The following RPS6KA2 variants were observed in gnomAD, a reference collection of about 807,000 sequenced individuals.
The protein encoded by RPS6KA2 is ribosomal protein S6 kinase alpha-2.
In RPS6KA2, 42 loss-of-function variants were observed where a neutral mutation model predicts 91.8. That is an observed-to-expected ratio of 0.46 (90% CI 0.36 to 0.59). The LOEUF is 0.59. RPS6KA2 is among the 20% of genes least tolerant of loss of function. The pLI is 0.00. For synonymous variants in RPS6KA2, 414 were observed against 393.6 expected (o/e 1.05, Z -0.61); for missense variants, 798 against 978.5 (o/e 0.82, Z 2.46).
intron 16 of RPS6KA2, among the ~76,000 whole-genome samples, chr6:166,428,385 T>C (rs1779002047): frequency 1.4e-5 from 2 of 143,466 alleles, no homozygotes; most frequent in East Asian, 2.0e-4. Context: ...ATTCAGGACA[T>C]AGGCATGGGC....
chr6:166,578,397 T>C (rs1784904923), intron 1 of RPS6KA2, among the ~76,000 whole-genome samples: 1 of 152,082 alleles, frequency 6.6e-6, no homozygotes, highest in South Asian at 2.1e-4. Context: ...GGTGAACAGG[T>C]GGGATTTGGG....
intron 2 of RPS6KA2, among the ~76,000 whole-genome samples, chr6:166,709,986 T>C (rs1237317110): frequency 6.6e-6 from 1 of 152,222 alleles, no homozygotes; most frequent in Non-Finnish European, 1.5e-5. Flanking sequence ...CCATATTCTA[T>C]TATCGAACCA....
chr6:166,422,586 G>T (rs1350728876), intron 17 of RPS6KA2, among the ~76,000 whole-genome samples: 1 of 152,118 alleles, frequency 6.6e-6, no homozygotes, highest in Non-Finnish European at 1.5e-5. Flanking sequence ...TTTCTCAAAG[G>T]CAAGAAATTG....
intron 2 of RPS6KA2, among the ~76,000 whole-genome samples, chr6:166,857,172 T>C (rs754846917): frequency 9.2e-5 from 14 of 152,238 alleles, no homozygotes; most frequent in Non-Finnish European, 1.2e-4. Context: ...GCGTTCAGCA[T>C]CTGAGCAGAC....
chr6:166,502,228 A>AT (rs778657211), intron 6 of RPS6KA2, among the ~76,000 whole-genome samples: 4 of 152,324 alleles, frequency 2.6e-5, no homozygotes, highest in South Asian at 2.1e-4. Flanking sequence ...TTTTTCTACA[A>AT]TTAAAAAAAA....
rs1786888507 is a variant in RPS6KA2, at chr6:166,626,630, GC to G, written c.99+290del. ...CCCTCCTCACCCGGGGCTCCCTGTG[GC>G]CCACAGGGGACCATCCCACACCCCG... is the stretch of plus-strand genomic sequence containing the variant. On this transcript the variant is annotated intron_variant, in intron 1 of 20. Transcript: ENST00000265678. The surrounding 1 kb of genome is among the most constrained non-coding windows in gnomAD (Gnocchi z 4.1). Among the ~76,000 whole-genome samples, 1 of 152,188 alleles carries G rather than the reference GC, an allele frequency of 6.6e-6. No individual in the cohort carries two copies. Among genetic ancestry groups the G allele is most frequent in the Non-Finnish European group, 1.5e-5 (1 of 68,014 alleles).
chr6:166,468,856 T>TCCATCTCAAAAAAAAAAAAA (rs567161437), intron 11 of RPS6KA2, among the ~76,000 whole-genome samples: 2 of 112,174 alleles, frequency 1.8e-5, no homozygotes, highest in Admixed American at 8.9e-5. Context: ...AGAGCGAGAC[T>TCCATCTCAAAAAAAAAAAAA]AAAAAAAAAA....
At chr6:166,842,689 G>A (rs532604506) in intron 2 of RPS6KA2, among the ~76,000 whole-genome samples, 7 of 152,146 alleles carry the variant, frequency 4.6e-5, no homozygotes, top group Admixed American at 2.0e-4. Flanking sequence ...TTGTGTCTCC[G>A]GCCAGCTCCG....
At position 166,448,677 on chromosome 6, in the gene RPS6KA2, G is replaced by A. The variant is rs539998046; in HGVS notation, c.1332+47C>T. 3.9e-5 allele frequency: 61 copies of A among 1,564,226 alleles called. No individual in the cohort carries two copies. The highest frequency in any genetic ancestry group is 7.5e-5 in the Admixed American group (4 of 53,380). On this transcript the variant is annotated intron_variant, in intron 14 of 20. Coordinates refer to ENST00000265678, the MANE Select transcript of RPS6KA2 (RefSeq NM_021135.6). The surrounding 1 kb of genome is among the most constrained non-coding windows in gnomAD (Gnocchi z 4.7). ...TCCCACATACCACACGTGCTCCCAC[G>A]CGCTGCACTCACACAGGGCCCTGCT...
In RPS6KA2 at chr6:166,702,526, C is replaced by T. The variant is rs957795302; in HGVS notation, c.123+155674G>A. Reference sequence around the variant, plus strand: ...CACTTGCTGACAGCTCTCCACCACTCCATACTGGACTAGTCAACTATCCAG... The same window carrying T: ...CACTTGCTGACAGCTCTCCACCACTTCATACTGGACTAGTCAACTATCCAG... On this transcript the variant is annotated intron_variant, in intron 2 of 21. Transcript: ENST00000503859. 2.1e-6 allele frequency: 3 copies of T among 1,458,640 alleles called. No homozygotes were observed. In the African/African-American group the frequency reaches 4.2e-5, roughly 20 times the overall value. 90.4% of individuals were successfully genotyped at this position (1,458,640 alleles called of 1,614,324 possible).
chr6:166,767,774 AACACACACACACACACACACACAC>A lies in RPS6KA2; in HGVS notation c.123+90402_123+90425del, dbSNP rs71639661. Among the ~76,000 whole-genome samples, 1,956 of 146,956 alleles carry A rather than the reference AACACACACACACACACACACACAC, an allele frequency of 0.013. 89 individuals are homozygous for A. In the East Asian group the frequency reaches 0.18, roughly 13 times the overall value. On this transcript the variant is annotated intron_variant, in intron 2 of 21. Coordinates refer to the RPS6KA2 transcript ENST00000503859. The surrounding 1 kb of genome is among the most constrained non-coding windows in gnomAD (Gnocchi z 4.6). ...AAGAACTAAAGACAATACCTCCTCA[AACACACACACACACACACACACAC>A]ACACACACACACACACACCCTGGTG...
At chr6:166,485,247 G>A (rs898130792) in intron 10 of RPS6KA2, among the ~76,000 whole-genome samples, 2 of 152,234 alleles carry the variant, frequency 1.3e-5, no homozygotes, top group African/African-American at 4.8e-5. Context: ...ACACTGAAAA[G>A]GCTGATGAAA....
chr6:166,695,883 T>C (rs375345376), intron 2 of RPS6KA2, among the ~76,000 whole-genome samples: 296 of 151,468 alleles, frequency 2.0e-3, no homozygotes, highest in African/African-American at 6.5e-3. Flanking sequence ...TAAATTCTCA[T>C]AGGAGCACTA....
intron 2 of RPS6KA2, among the ~76,000 whole-genome samples, chr6:166,685,702 G>A (rs1031198075): frequency 1.3e-5 from 2 of 152,116 alleles, no homozygotes; most frequent in Non-Finnish European, 2.9e-5. Flanking sequence ...CAATTCTATG[G>A]GCATCACGTT....
chr6:166,619,163 A>C (rs146228234), intron 1 of RPS6KA2, among the ~76,000 whole-genome samples: 1 of 152,344 alleles, frequency 6.6e-6, no homozygotes, highest in East Asian at 1.9e-4. Flanking sequence ...TGAGTCACAC[A>C]TCATGATCCA....
At chr6:166,593,877 G>A (rs1785439268) in intron 1 of RPS6KA2, among the ~76,000 whole-genome samples, 1 of 152,264 alleles carries the variant, frequency 6.6e-6, no homozygotes, top group South Asian at 2.1e-4. Flanking sequence ...CAAAAATTCT[G>A]AGAATATAGG....
At chr6:166,846,056 G>T (rs1452015302) in intron 2 of RPS6KA2, among the ~76,000 whole-genome samples, 1 of 152,008 alleles carries the variant, frequency 6.6e-6, no homozygotes, top group African/African-American at 2.4e-5. Context: ...AAATGCAAAA[G>T]ATTTTTCAAG....
chr6:166,569,092 T>TA (rs1369179067), intron 1 of RPS6KA2, among the ~76,000 whole-genome samples: 2 of 152,192 alleles, frequency 1.3e-5, no homozygotes, highest in Non-Finnish European at 2.9e-5. Flanking sequence ...AGTCTGTAAG[T>TA]AAAAAAATGC....
chr6:166,644,620 G>A (rs1202131662), intron 2 of RPS6KA2, among the ~76,000 whole-genome samples: 1 of 152,138 alleles, frequency 6.6e-6, no homozygotes, highest in Non-Finnish European at 1.5e-5. Flanking sequence ...TTTAAATAAG[G>A]GCCCATACAT....
Sources: gnomAD v4.1 joint callset for allele counts (sites outside exome capture counted in the v4.1 genomes callset) on GRCh38, gnomAD v4.1.1 for gene constraint, Gnocchi (gnomAD v3.1) non-coding constraint, MANE v1.5 for transcripts, NCBI Gene and HGNC (gene_info 2026-07-23, HGNC 2026-07-21) for gene names.